CDIN1: variants seen among roughly 807,000 people sequenced by gnomAD.
CDIN1 encodes CDAN1-interacting nuclease 1.
In CDIN1, 33 loss-of-function variants were observed where a neutral mutation model predicts 45.3. That is an observed-to-expected ratio of 0.73 (90% CI 0.55 to 0.97). CDIN1 has a LOEUF of 0.97. Among genes scored for constraint, CDIN1 ranks in the 50% least tolerant of loss-of-function variants. The pLI, the probability that CDIN1 is intolerant of heterozygous loss-of-function variation, is 0.00. For synonymous variants in CDIN1, 118 were observed against 124.4 expected (o/e 0.95, Z 0.34); for missense variants, 303 against 339.4 (o/e 0.89, Z 0.84).
chr15:36,697,440 T>G, intron 8 of CDIN1, 50 bp downstream of exon 8: 1 of 1,388,268 alleles, frequency 7.2e-7, no homozygotes, highest in Non-Finnish European at 9.9e-7. Context: ...CCTGAGTGCT[T>G]AAATATATAT....
At chr15:36,707,062 A>T (rs2042893355) in intron 8 of CDIN1, 1 of 152,134 alleles carries the variant, frequency 6.6e-6, no homozygotes, top group Non-Finnish European at 1.5e-5. Flanking sequence ...TAGATCTAGG[A>T]TGAAGGAAGC....
chr15:36,715,283 T>A (rs114517472), intron 10 of CDIN1, among the ~76,000 whole-genome samples: 6,264 of 152,258 alleles, frequency 0.041, 460 homozygotes, highest in African/African-American at 0.14. Flanking sequence ...CAGAATTGAT[T>A]TGACTTTAGT....
chr15:36,718,812 C>CTTTTTTTTTTTTTTTTTTT (rs3045909), intron 10 of CDIN1, among the ~76,000 whole-genome samples: 6 of 96,626 alleles, frequency 6.2e-5, no homozygotes, highest in East Asian at 3.4e-4. Context: ...AATTTGTATG[C>CTTTTTTTTTTTTTTTTTTT]TTTTTTTTTT....
chr15:36,725,684 C>T (rs1380480111), intron 10 of CDIN1, among the ~76,000 whole-genome samples: 1 of 152,050 alleles, frequency 6.6e-6, no homozygotes, highest in Non-Finnish European at 1.5e-5. Context: ...GATTTTCTGC[C>T]ATTTATAAAT....
intron 10 of CDIN1, among the ~76,000 whole-genome samples, chr15:36,797,619 T>C (rs144576953): frequency 6.6e-6 from 1 of 152,300 alleles, no homozygotes; most frequent in East Asian, 1.9e-4. Context: ...CCAGCAATCT[T>C]GCAATTCGCT....
intron 10 of CDIN1, among the ~76,000 whole-genome samples, chr15:36,731,375 A>G (rs1246096094): frequency 6.6e-6 from 1 of 152,062 alleles, no homozygotes; most frequent in Non-Finnish European, 1.5e-5. Context: ...AATTTCATCT[A>G]CGATTACTTT....
At chr15:36,674,597 A>G (rs891816435) in intron 5 of CDIN1, among the ~76,000 whole-genome samples, 6 of 152,180 alleles carry the variant, frequency 3.9e-5, no homozygotes, top group Admixed American at 1.3e-4. Flanking sequence ...TAAAACTACC[A>G]TTAGGCAGAA....
chr15:36,656,717 G>A (rs903483406), intron 4 of CDIN1, among the ~76,000 whole-genome samples: 3 of 152,156 alleles, frequency 2.0e-5, no homozygotes, highest in East Asian at 3.9e-4. Flanking sequence ...CTCTGATGTG[G>A]GTTACTAGGA....
intron 5 of CDIN1, among the ~76,000 whole-genome samples, chr15:36,680,367 A>G (rs1326906499): frequency 2.6e-5 from 4 of 152,180 alleles, no homozygotes; most frequent in African/African-American, 9.7e-5. Context: ...AAAAGTAAAT[A>G]AGTATTCCCC....
At chr15:36,608,947 A>G (rs969008579) in intron 1 of CDIN1, among the ~76,000 whole-genome samples, 11 of 151,178 alleles carry the variant, frequency 7.3e-5, no homozygotes, top group Non-Finnish European at 1.3e-4. Flanking sequence ...TTTTACACAA[A>G]TCTCTGTGTG....
At chr15:36,630,558 G>A (rs1359839418) in intron 1 of CDIN1, among the ~76,000 whole-genome samples, 2 of 152,118 alleles carry the variant, frequency 1.3e-5, no homozygotes, top group African/African-American at 4.8e-5. Context: ...CAATACAACT[G>A]TTGATGCCAC....
rs2054781796 is a variant in CDIN1, at chr15:36,795,884, A to T, written c.717-12440A>T. 2.0e-5 allele frequency among the ~76,000 whole-genome samples: 3 copies of T among 152,122 alleles called. No individual in the cohort carries two copies. In the East Asian group the frequency reaches 5.8e-4, roughly 29 times the overall value. On this transcript the variant is annotated intron_variant, in intron 10 of 10. Coordinates refer to ENST00000566621, the MANE Select transcript of CDIN1 (RefSeq NM_001321759.2). The stretch of plus-strand genomic sequence containing the variant: ...CACCTGAACTAGCTCTTATTTTTCA[A>T]GGCAGAAATGACCATGTGAAATGGT...
intron 10 of CDIN1, among the ~76,000 whole-genome samples, chr15:36,738,778 T>C (rs1481562303): frequency 6.6e-6 from 1 of 152,202 alleles, no homozygotes; most frequent in Non-Finnish European, 1.5e-5. Context: ...CCTAAAATGA[T>C]CTATAATATC....
At chr15:36,789,839 T>C (rs1458765606) in intron 10 of CDIN1, among the ~76,000 whole-genome samples, 1 of 152,192 alleles carries the variant, frequency 6.6e-6, no homozygotes, top group Non-Finnish European at 1.5e-5. Context: ...AAAATTGACA[T>C]GGGGCTAGTG....
At chr15:36,712,982 T>G (rs2043107573) in intron 10 of CDIN1, among the ~76,000 whole-genome samples, 2 of 152,150 alleles carry the variant, frequency 1.3e-5, no homozygotes, top group African/African-American at 2.4e-5. Flanking sequence ...TAATCCTATT[T>G]CGCTAATCAA....
At chr15:36,800,012 G>A (rs1027645458) in intron 10 of CDIN1, among the ~76,000 whole-genome samples, 1 of 152,096 alleles carries the variant, frequency 6.6e-6, no homozygotes, top group African/African-American at 2.4e-5. Context: ...AATTTAACAT[G>A]GATGTGAAAA....
chr15:36,610,093 A>G (rs1455824855), intron 1 of CDIN1, among the ~76,000 whole-genome samples: 1 of 152,238 alleles, frequency 6.6e-6, no homozygotes, highest in Non-Finnish European at 1.5e-5. Context: ...TTGCTAAAGT[A>G]GTTTATCAGC....
chr15:36,599,447 A>C (rs1398161110), intron 1 of CDIN1, among the ~76,000 whole-genome samples: 1 of 152,202 alleles, frequency 6.6e-6, no homozygotes, highest in South Asian at 2.1e-4. Flanking sequence ...GAGGTGAATA[A>C]ATATTTTCTA....
intron 8 of CDIN1, among the ~76,000 whole-genome samples, chr15:36,700,808 T>C (rs1003069546): frequency 6.6e-6 from 1 of 151,978 alleles, no homozygotes; most frequent in Non-Finnish European, 1.5e-5. Context: ...AGAATTAATA[T>C]TTTTTGGCCG....
Sources: allele counts gnomAD v4.1 joint callset (sites outside exome capture counted in the v4.1 genomes callset), GRCh38; gene constraint gnomAD v4.1.1; transcripts MANE v1.5; gene names NCBI Gene and HGNC (gene_info 2026-07-23, HGNC 2026-07-21).